IPO11: variants seen among roughly 807,000 people sequenced by gnomAD.
IPO11 encodes the protein importin 11, also known as importin-11.
Under a neutral mutation model 143.2 loss-of-function variants are expected in IPO11, and 66 were observed. The observed-to-expected ratio is 0.46, with a 90% CI of 0.38 to 0.57. The LOEUF (loss-of-function observed/expected upper bound fraction) is 0.57, where lower values mean the gene tolerates loss of function less well. IPO11 is among the 20% of genes least tolerant of loss of function. The pLI, the probability that IPO11 is intolerant of heterozygous loss-of-function variation, is 0.00. For missense variants in IPO11, 1,026 were observed against 1,141.0 expected (o/e 0.90, Z 1.45); for synonymous variants, 385 against 377.8 (o/e 1.02, Z -0.22).
chr5:62,443,872 G>A (rs1744604171), intron 3 of IPO11, among the ~76,000 whole-genome samples: 1 of 152,136 alleles, frequency 6.6e-6, no homozygotes, highest in Non-Finnish European at 1.5e-5. Flanking sequence ...TTGTTTGATA[G>A]AAAATATGGT....
At chr5:62,489,252 A>G (rs1490082555) in intron 13 of IPO11, 50 bp from the exon 14 acceptor site, 1 of 1,097,526 alleles carries the variant, frequency 9.1e-7, no homozygotes, top group East Asian at 2.7e-5. Flanking sequence ...TTTTTAAAAA[A>G]CTAGTTTTAT....
chr5:62,621,445 T>A (rs1561391407), intron 29 of IPO11, among the ~76,000 whole-genome samples: 1 of 152,174 alleles, frequency 6.6e-6, no homozygotes, highest in African/African-American at 2.4e-5. Context: ...CTCCTCCCCC[T>A]GCAAATGGGG....
intron 29 of IPO11, among the ~76,000 whole-genome samples, chr5:62,612,233 G>GTT (rs1404082043): frequency 6.6e-6 from 1 of 152,132 alleles, no homozygotes; most frequent in Non-Finnish European, 1.5e-5. Flanking sequence ...GTGAGTACAT[G>GTT]TTAAAAAAAT....
chr5:62,477,536 A>G (rs1323580527), intron 9 of IPO11, among the ~76,000 whole-genome samples: 1 of 152,186 alleles, frequency 6.6e-6, no homozygotes, highest in Non-Finnish European at 1.5e-5. Flanking sequence ...AGCCTCAACA[A>G]CAGAAGTTCA....
intron 16 of IPO11, among the ~76,000 whole-genome samples, chr5:62,501,541 TATTTATTTTTATTTTATCTCTGGTCCTTG>T (rs1741348548): frequency 1.3e-5 from 2 of 152,188 alleles, no homozygotes; most frequent in Non-Finnish European, 2.9e-5. Context: ...TGAATTTATT[TATTTATTTTTATTTTATCTCTGGTCCTTG>T]ATTCAGGAGG....
intron 19 of IPO11, among the ~76,000 whole-genome samples, chr5:62,506,926 G>A (rs1741574116): frequency 6.6e-6 from 1 of 152,110 alleles, no homozygotes; most frequent in African/African-American, 2.4e-5. Flanking sequence ...AAGCACTGAA[G>A]CAAATCTGTG....
At chr5:62,536,929 G>GCACATCTGCCCTGCAAT in intron 23 of IPO11, 148 bp downstream of exon 23, 7 of 992,626 alleles carry the variant, frequency 7.1e-6, no homozygotes, top group Non-Finnish European at 8.3e-6. Flanking sequence ...TCCCATTGCA[G>GCACATCTGCCCTGCAAT]GGCAGATGTG....
Position 62,474,412 on chromosome 5 carries a change from C to T in IPO11, c.709-4C>T, listed in dbSNP as rs781076408. 12 of 1,515,484 alleles carry T rather than the reference C, an allele frequency of 7.9e-6. No individual in the cohort carries two copies. The African/African-American group carries it at 1.3e-4, about 16-fold the overall frequency. 93.9% of individuals were successfully genotyped at this position (1,515,484 alleles called of 1,614,324 possible). A position where few individuals can be genotyped will look rare whatever the true frequency, so the allele number is the denominator to read the frequency against. The stretch of plus-strand genomic sequence containing the variant: ...GAGATATTTAAAATAATATTCTTTT[C>T]TAGGGTTTTTTACATGGAATATTTG... On this transcript the variant is annotated splice_polypyrimidine_tract_variant and splice_region_variant and intron_variant, in intron 7 of 29. Transcript: ENST00000325324.
At chr5:62,454,530 C>T (rs17382964) in intron 5 of IPO11, among the ~76,000 whole-genome samples, 13,963 of 152,126 alleles carry the variant, frequency 0.092, 651 homozygotes, top group South Asian at 0.15. Context: ...TATATTTAGT[C>T]GAGGCAATCT....
At chr5:62,417,255 G>A (rs1211000978) in intron 1 of IPO11, among the ~76,000 whole-genome samples, 1 of 146,232 alleles carries the variant, frequency 6.8e-6, no homozygotes, top group Non-Finnish European at 1.5e-5. Flanking sequence ...ACCATGCCCA[G>A]CTTATTTCCT....
intron 29 of IPO11, among the ~76,000 whole-genome samples, chr5:62,604,693 A>G (rs1002562657): frequency 6.6e-6 from 1 of 152,188 alleles, no homozygotes; most frequent in Admixed American, 6.5e-5. Context: ...GTTACTTACT[A>G]CAGTAGATAT....
chr5:62,545,445 A>C (rs998038470), intron 24 of IPO11, among the ~76,000 whole-genome samples: 7 of 152,232 alleles, frequency 4.6e-5, no homozygotes, highest in Non-Finnish European at 7.3e-5. Context: ...TACAAAAATT[A>C]ATTCAAGATG....
intron 29 of IPO11, among the ~76,000 whole-genome samples, chr5:62,616,784 T>C (rs1424650055): frequency 2.7e-5 from 4 of 149,204 alleles, no homozygotes; most frequent in Non-Finnish European, 4.4e-5. Flanking sequence ...AAAATTAGCC[T>C]CATAGCCAAA....
intron 24 of IPO11, among the ~76,000 whole-genome samples, chr5:62,549,907 T>C (rs533493386): frequency 3.1e-4 from 47 of 152,358 alleles, no homozygotes; most frequent in Middle Eastern, 3.4e-3. Flanking sequence ...ATGCCCTTTT[T>C]CCTCCAATTT....
intron 19 of IPO11, among the ~76,000 whole-genome samples, chr5:62,513,294 G>A (rs1017980156): frequency 3.3e-5 from 3 of 91,114 alleles, no homozygotes; most frequent in African/African-American, 1.2e-4. Context: ...CGGACGGGGC[G>A]GCTGGCTGGG....
intron 20 of IPO11, among the ~76,000 whole-genome samples, chr5:62,518,885 A>G (rs965492247): frequency 1.1e-4 from 16 of 152,348 alleles, no homozygotes; most frequent in Admixed American, 7.8e-4. Flanking sequence ...ATACAGGGTA[A>G]TAGGCACTGG....
In IPO11 at chr5:62,530,475, C is replaced by A. The variant is rs11744450; in HGVS notation, c.2013-234C>A. 1.7e-3 allele frequency among the ~76,000 whole-genome samples: 254 copies of A among 152,318 alleles called. 1 individual carries two copies. The highest frequency in any genetic ancestry group is 2.5e-3 in the Non-Finnish European group (171 of 68,030). ...TAAAGCCATGTTGTGCAAGGGTCAACTGTAGTTACTTTCCTTACTACCTTT... is the reference window on the plus strand; with the variant it reads ...TAAAGCCATGTTGTGCAAGGGTCAAATGTAGTTACTTTCCTTACTACCTTT... On this transcript the variant is annotated intron_variant, in intron 21 of 29. Transcript: ENST00000325324.
At chr5:62,487,734 C>G (rs776626352) in intron 12 of IPO11, 37 bp from the exon 13 acceptor site, 14 of 1,513,382 alleles carry the variant, frequency 9.3e-6, no homozygotes, top group South Asian at 1.4e-5. Flanking sequence ...TAGTATGCAA[C>G]TGTTTTGATG....
intron 1 of IPO11, among the ~76,000 whole-genome samples, chr5:62,421,068 C>G (rs994804532): frequency 6.6e-6 from 1 of 152,192 alleles, no homozygotes; most frequent in Non-Finnish European, 1.5e-5. Context: ...TTTTGCTAGT[C>G]TGATCATAAA....
Sources: gnomAD v4.1 joint callset for allele counts (sites outside exome capture counted in the v4.1 genomes callset) on GRCh38, gnomAD v4.1.1 for gene constraint, MANE v1.5 for transcripts, NCBI Gene and HGNC (gene_info 2026-07-23, HGNC 2026-07-21) for gene names.